The following COCH variants were observed in gnomAD, a reference collection of about 807,000 sequenced individuals.
COCH encodes the protein coagulation factor C homolog, cochlin (Limulus polyphemus).
COCH carries 40 observed loss-of-function variants against 54.8 expected under a neutral mutation model. That is an observed-to-expected ratio of 0.73 (90% CI 0.57 to 0.95). The LOEUF (loss-of-function observed/expected upper bound fraction) is 0.95. Among genes scored for constraint, COCH ranks in the 40% least tolerant of loss-of-function variants. The pLI is 0.00. For synonymous variants in COCH, 256 were observed against 237.9 expected (o/e 1.08, Z -0.70); for missense variants, 605 against 675.0 (o/e 0.90, Z 1.15).
downstream of COCH, among the ~76,000 whole-genome samples, chr14:30,892,504 A>G (rs543245677): frequency 2.6e-5 from 4 of 152,266 alleles, no homozygotes; most frequent in South Asian, 8.3e-4. Flanking sequence ...AAAAAATGGT[A>G]TTTAAAAAAA....
In COCH at chr14:30,877,375, G is replaced by C; in HGVS notation, c.83-197G>C. On this transcript the variant is annotated intron_variant, in intron 3 of 11. Coordinates refer to ENST00000396618, the MANE Select transcript of COCH (RefSeq NM_004086.3). The surrounding 1 kb of genome is among the most constrained non-coding windows in gnomAD (Gnocchi z 8.6). Reference sequence around the variant, plus strand: ...TCACATTAGAGTTTTATAGTGGCTGGGGACTATATTAAATTGGAAAACAAC... The same window carrying C: ...TCACATTAGAGTTTTATAGTGGCTGCGGACTATATTAAATTGGAAAACAAC... The C allele has an allele frequency of 1.6e-6, 1 of 624,596 alleles. No homozygotes were observed. Among genetic ancestry groups the C allele is most frequent in the South Asian group, 2.0e-5 (1 of 50,324 alleles). The allele number at this position is 624,596 out of a possible 1,614,324, so 38.7% of individuals were successfully genotyped here. A position where few individuals can be genotyped will look rare whatever the true frequency, so the allele number is the denominator to read the frequency against.
At position 30,884,112 on chromosome 14, in the gene COCH, C is replaced by A. The variant is rs1895702256; in HGVS notation, c.630-441C>A. On this transcript the variant is annotated intron_variant, in intron 8 of 11. Transcript: ENST00000396618. The stretch of plus-strand genomic sequence containing the variant: ...CCAACTCTGCGGACTTCTGTTAAAC[C>A]CGAGGCTCTGAGCCAAGCCCGATTT... Among the ~76,000 whole-genome samples the A allele has an allele frequency of 2.0e-5, 3 of 152,136 alleles. No homozygotes were observed. The South Asian group carries it at 6.2e-4, about 32-fold the overall frequency.
chr14:30,891,518 T>C (rs538066102), downstream of COCH, among the ~76,000 whole-genome samples: 32 of 152,310 alleles, frequency 2.1e-4, no homozygotes, highest in African/African-American at 3.6e-4. Context: ...AATTTGAAAA[T>C]AGAGTTTGAG....
chr14:30,881,996 A>T (rs1027217021), intron 8 of COCH, among the ~76,000 whole-genome samples: 32 of 142,274 alleles, frequency 2.2e-4, no homozygotes, highest in African/African-American at 7.3e-4. Context: ...TAAATAAATA[A>T]ATATTTATTT....
chr14:30,880,111 A>G (rs914115621), intron 6 of COCH, among the ~76,000 whole-genome samples: 4 of 152,178 alleles, frequency 2.6e-5, no homozygotes, highest in African/African-American at 7.2e-5. Context: ...ATGTGTGTCT[A>G]TTGTAAGAAA....
chr14:30,890,095 G>A lies in COCH; in HGVS notation c.*304G>A. On this transcript the variant is annotated 3_prime_UTR_variant, in exon 12 of 12. Transcript: ENST00000396618. ...CCATGCCTACTAAATGTACAGATAT[G>A]CAAATTCCATAGCTCAATAAAAGAA... 1 of 1,053,668 alleles carries A rather than the reference G, an allele frequency of 9.5e-7. No individual in the cohort carries two copies. The highest frequency in any genetic ancestry group is 1.1e-6 in the Non-Finnish European group (1 of 871,530). 65.3% of individuals were successfully genotyped at this position (1,053,668 alleles called of 1,614,324 possible).
intron 8 of COCH, among the ~76,000 whole-genome samples, chr14:30,881,775 G>A (rs1159678704): frequency 2.0e-5 from 3 of 151,312 alleles, no homozygotes; most frequent in Non-Finnish European, 2.9e-5. Context: ...TGGCTAACAC[G>A]GGGAAACCCC....
At chr14:30,885,263 T>G in intron 9 of COCH, 131 bp from the exon 10 acceptor site, 1 of 973,744 alleles carries the variant, frequency 1.0e-6, no homozygotes, top group Non-Finnish European at 1.6e-6. Context: ...ATAATTCTTT[T>G]TTGTGTGCCC....
intron 10 of COCH, 41 bp downstream of exon 10, chr14:30,885,661 T>C: frequency 6.8e-7 from 1 of 1,468,638 alleles, no homozygotes; most frequent in Non-Finnish European, 9.5e-7. Context: ...GTGATGGGTA[T>C]TCCATTTTGG....
At chr14:30,895,394 T>G (rs749561615), downstream of COCH, 1 of 1,585,358 alleles carries the variant, frequency 6.3e-7, no homozygotes, top group South Asian at 1.1e-5. Flanking sequence ...CTTGTTACGA[T>G]GCAAGTTTTT....
chr14:30,893,238 G>A (rs988163771), downstream of COCH, among the ~76,000 whole-genome samples: 1 of 140,182 alleles, frequency 7.1e-6, no homozygotes, highest in African/African-American at 2.7e-5. Flanking sequence ...TGCAAGCTCC[G>A]CCTCCCGGAC....
Position 30,884,364 on chromosome 14 carries a change from ATTTG to A in COCH, c.630-186_630-183del, listed in dbSNP as rs1895710286. ...ATAATAAATCCTCAATATGGCAATT[ATTTG>A]TTACACCTCTGAAATATCTCCAATA... is the stretch of plus-strand genomic sequence containing the variant. On this transcript the variant is annotated intron_variant, in intron 8 of 11. Transcript: ENST00000396618. The A allele has an allele frequency of 1.0e-5, 6 of 583,816 alleles. No homozygotes were observed. In the East Asian group the frequency reaches 1.8e-4, roughly 17 times the overall value. 36.2% of individuals were successfully genotyped at this position (583,816 alleles called of 1,614,324 possible).
At chr14:30,894,969 A>C (rs1566420651), downstream of COCH, 1 of 1,037,896 alleles carries the variant, frequency 9.6e-7, no homozygotes, top group Non-Finnish European at 1.2e-6. Flanking sequence ...AAGATCACTA[A>C]GAGATGAAAA....
intron 6 of COCH, among the ~76,000 whole-genome samples, chr14:30,879,794 C>A (rs530252814): frequency 1.4e-4 from 22 of 152,170 alleles, no homozygotes; most frequent in African/African-American, 5.3e-4. Flanking sequence ...CAGGCACATG[C>A]CACCACACCC....
chr14:30,879,548 G>A lies in COCH; in HGVS notation c.436+63G>A, dbSNP rs571628762. ...CAGCATTTGGAAGTTATGAATAAAC[G>A]TGTTGTTGGTAGAAGCTTTTCTTAA... On this transcript the variant is annotated intron_variant, in intron 6 of 11. Transcript: ENST00000396618. 1,141 of 1,532,186 alleles carry A rather than the reference G, an allele frequency of 7.4e-4. 1 individual carries two copies. Among genetic ancestry groups the A allele is most frequent in the Non-Finnish European group, 9.3e-4 (1,033 of 1,106,122 alleles). 94.9% of individuals were successfully genotyped at this position (1,532,186 alleles called of 1,614,324 possible). A position where few individuals can be genotyped will look rare whatever the true frequency, so the allele number is the denominator to read the frequency against.
At position 30,878,907 on chromosome 14, in the gene COCH, A is replaced by G. The variant is rs1241529576; in HGVS notation, c.336A>G (p.Gln112=). ...SSVDANGIQS[Q]MLSRWSASFT... is the part of the protein sequence containing the mutation. ...TAGATGCCAATGGCATCCAGTCTCA[A>G]ATGCTTTCTAGATGGTCTGCTTCTT... The change falls in exon 5 of 12, where the codon CAA becomes CAG. Residue 112 remains glutamine, a synonymous_variant. Transcript: ENST00000396618. 2.5e-6 allele frequency: 4 copies of G among 1,614,012 alleles called. No individual in the cohort carries two copies. The highest frequency in any genetic ancestry group is 2.7e-5 in the African/African-American group (2 of 74,914).
intron 11 of COCH, among the ~76,000 whole-genome samples, chr14:30,887,429 C>T (rs1248996208): frequency 1.3e-5 from 2 of 151,790 alleles, no homozygotes; most frequent in Non-Finnish European, 2.9e-5. Context: ...AACTTTTTCC[C>T]CCCCGCTTAA....
At position 30,877,286 on chromosome 14, in the gene COCH, C is replaced by G; in HGVS notation, c.83-286C>G. 2.6e-6 allele frequency: 1 copy of G among 385,698 alleles called. No individual in the cohort carries two copies. Among genetic ancestry groups the G allele is most frequent in the Non-Finnish European group, 4.9e-6 (1 of 204,898 alleles). 23.9% of individuals were successfully genotyped at this position (385,698 alleles called of 1,614,324 possible). The stretch of plus-strand genomic sequence containing the variant: ...ATCACTTGAGCTCGGGAATTTGAGC[C>G]TAGCTTGGGCAACTTGGCGAGTCCC... On this transcript the variant is annotated intron_variant, in intron 3 of 11. Transcript: ENST00000396618. This position sits in a 1 kb window ranked among gnomAD's most constrained non-coding sequence, Gnocchi z 8.6.
At chr14:30,894,355 TTAGACTATTC>T (rs1896071242), downstream of COCH, 1 of 152,600 alleles carries the variant, frequency 6.6e-6, no homozygotes, top group African/African-American at 2.4e-5. Context: ...TTAGTCTATT[TTAGACTATTC>T]AAAGAGTTCC....
Sources: gnomAD v4.1 joint callset for allele counts (sites outside exome capture counted in the v4.1 genomes callset) on GRCh38, gnomAD v4.1.1 for gene constraint, Gnocchi (gnomAD v3.1) non-coding constraint, MANE v1.5 for transcripts, NCBI Gene and HGNC (gene_info 2026-07-23, HGNC 2026-07-21) for gene names.